The following PTK2 variants were observed in gnomAD, a reference collection of about 807,000 sequenced individuals.
The protein encoded by PTK2 is protein tyrosine kinase 2.
PTK2 carries 45 observed loss-of-function variants against 150.1 expected under a neutral mutation model. That is an observed-to-expected ratio of 0.30 (90% CI 0.24 to 0.38). The LOEUF (loss-of-function observed/expected upper bound fraction) is 0.38. Ranked by LOEUF, PTK2 falls within the 10% of genes least tolerant of loss-of-function variation. The pLI is 1.00. For synonymous variants in PTK2, 432 were observed against 449.2 expected, an observed-to-expected ratio of 0.96 and a Z score of 0.48; for missense variants, 919 against 1,307.3, an observed-to-expected ratio of 0.70 and a Z score of 4.58.
intron 5 of PTK2, among the ~76,000 whole-genome samples, chr8:140,852,805 G>A (rs1294130360): frequency 6.6e-6 from 1 of 152,212 alleles, no homozygotes; most frequent in East Asian, 1.9e-4. Context: ...AAGTTATACA[G>A]GAAAATGTTA....
chr8:140,952,828 A>G (rs561016848), intron 1 of PTK2, among the ~76,000 whole-genome samples: 13 of 152,344 alleles, frequency 8.5e-5, no homozygotes, highest in Admixed American at 3.9e-4. Context: ...ACGATTTCTA[A>G]ACTGTGAAAC....
At chr8:140,979,735 C>T (rs1045280622) in intron 1 of PTK2, among the ~76,000 whole-genome samples, 4 of 152,090 alleles carry the variant, frequency 2.6e-5, no homozygotes, top group Non-Finnish European at 4.4e-5. Context: ...GTGATGTTCT[C>T]GTGATACTAA....
intron 1 of PTK2, among the ~76,000 whole-genome samples, chr8:140,997,916 G>A (rs1385863192): frequency 2.0e-5 from 3 of 152,312 alleles, no homozygotes; most frequent in East Asian, 1.9e-4. Context: ...TCCAGCCTGG[G>A]TGACAGAACA....
intron 2 of PTK2, chr8:140,892,630 A>G: frequency 2.2e-6 from 1 of 447,316 alleles, no homozygotes; most frequent in Non-Finnish European, 4.4e-6. Flanking sequence ...TCATTCTCCA[A>G]TTAGTTAAAA....
chr8:140,787,153 T>G (rs2100085447), intron 14 of PTK2, among the ~76,000 whole-genome samples: 3 of 152,150 alleles, frequency 2.0e-5, no homozygotes, highest in Admixed American at 2.0e-4. Flanking sequence ...GAGAAGGTAC[T>G]GAAGTATGAA....
chr8:140,818,813 T>C lies in PTK2; in HGVS notation c.789+67A>G, dbSNP rs972788368. The C allele has an allele frequency of 2.6e-5, 39 of 1,496,164 alleles. 1 individual carries two copies. Among genetic ancestry groups the C allele is most frequent in the Middle Eastern group, 1.7e-4 (1 of 5,836 alleles). 92.7% of individuals were successfully genotyped at this position (1,496,164 alleles called of 1,614,324 possible). On this transcript the variant is annotated intron_variant, in intron 9 of 31. Coordinates refer to ENST00000522684, the Ensembl canonical transcript of PTK2. ...AGCATTTTTTCATCAGAAATTTAGA[T>C]ATACAGCAAGAGACAAGAAAAAGTA...
intron 24 of PTK2, among the ~76,000 whole-genome samples, chr8:140,703,413 T>G (rs2100031897): frequency 6.6e-6 from 1 of 151,934 alleles, no homozygotes; most frequent in Non-Finnish European, 1.5e-5. Flanking sequence ...TATGGCTGCA[T>G]TAGAGAGCTA....
chr8:140,896,305 C>T (rs570898940), intron 2 of PTK2, among the ~76,000 whole-genome samples: 6 of 152,108 alleles, frequency 3.9e-5, no homozygotes, highest in African/African-American at 1.4e-4. Context: ...TTTTATGACA[C>T]CTGCAGAACA....
At chr8:140,872,652 G>A (rs903487396) in intron 4 of PTK2, among the ~76,000 whole-genome samples, 2 of 152,190 alleles carry the variant, frequency 1.3e-5, no homozygotes, top group Non-Finnish European at 2.9e-5. Flanking sequence ...TGGAGCCTGT[G>A]GGGATTGGGA....
chr8:140,944,361 T>G (rs2100176920), intron 1 of PTK2, among the ~76,000 whole-genome samples: 1 of 152,168 alleles, frequency 6.6e-6, no homozygotes. Flanking sequence ...ATTCAGTAGG[T>G]GGCACTATTC....
chr8:140,687,446 C>T (rs1412851519), intron 26 of PTK2, among the ~76,000 whole-genome samples: 2 of 152,140 alleles, frequency 1.3e-5, no homozygotes, highest in Non-Finnish European at 1.5e-5. Flanking sequence ...CAGAGCTGGT[C>T]GCTTCTTAGC....
intron 1 of PTK2, among the ~76,000 whole-genome samples, chr8:140,955,416 G>T (rs1049114226): frequency 1.3e-5 from 2 of 152,194 alleles, no homozygotes; most frequent in African/African-American, 4.8e-5. Context: ...TGCCATGATT[G>T]TAAGGTCTCC....
chr8:140,856,666 T>C (rs1380031738), intron 5 of PTK2, among the ~76,000 whole-genome samples: 1 of 152,190 alleles, frequency 6.6e-6, no homozygotes, highest in Non-Finnish European at 1.5e-5. Flanking sequence ...GGAAACTTCC[T>C]GGGGTGATGG....
At chr8:140,901,889 T>C (rs2100158631) in intron 2 of PTK2, among the ~76,000 whole-genome samples, 1 of 152,148 alleles carries the variant, frequency 6.6e-6, no homozygotes, top group Non-Finnish European at 1.5e-5. Context: ...CTCCCACTTA[T>C]GAGTGAGAAC....
In PTK2 at chr8:140,717,874, G is replaced by A. The variant is rs1164537011; in HGVS notation, c.2031-165C>T. 2.2e-5 allele frequency: 12 copies of A among 542,482 alleles called. No individual in the cohort carries two copies. The East Asian group carries it at 3.0e-4, about 14-fold the overall frequency. 33.6% of individuals were successfully genotyped at this position (542,482 alleles called of 1,614,324 possible). ...AAGGATCAGGTTTCTAACTCTCCAC[G>A]AAATGATTCTAGAATAGCCTTGGTC... On this transcript the variant is annotated intron_variant, in intron 22 of 31. Transcript: ENST00000522684.
At chr8:140,740,387 G>C (rs533985418) in intron 20 of PTK2, among the ~76,000 whole-genome samples, 1 of 152,216 alleles carries the variant, frequency 6.6e-6, no homozygotes, top group East Asian at 1.9e-4. Context: ...CACAGGAACA[G>C]CACCCTGATT....
intron 1 of PTK2, among the ~76,000 whole-genome samples, chr8:140,982,081 AAAT>A (rs1404352877): frequency 1.4e-5 from 2 of 146,638 alleles, no homozygotes; most frequent in African/African-American, 5.0e-5. Flanking sequence ...AAAAAAAAAA[AAAT>A]GACTCAGTTA....
At chr8:140,752,358 G>A in intron 16 of PTK2, 42 bp from the exon 20 acceptor site, 1 of 1,557,020 alleles carries the variant, frequency 6.4e-7, no homozygotes, top group Non-Finnish European at 8.8e-7. Flanking sequence ...CATGCAAAAA[G>A]GTTTGCTATA....
intron 8 of PTK2, among the ~76,000 whole-genome samples, chr8:140,830,084 T>TACACACACAC (rs67413157): frequency 2.0e-5 from 3 of 149,286 alleles, no homozygotes; most frequent in African/African-American, 4.9e-5. Flanking sequence ...CGCACACACA[T>TACACACACAC]ACACACACAC....
Sources: allele counts gnomAD v4.1 joint callset (sites outside exome capture counted in the v4.1 genomes callset), GRCh38; gene constraint gnomAD v4.1.1; transcripts MANE v1.5; gene names NCBI Gene and HGNC (gene_info 2026-07-23, HGNC 2026-07-21).